SIK3: variants seen among roughly 807,000 people sequenced by gnomAD.
SIK3 encodes serine/threonine-protein kinase SIK3.
Under a neutral mutation model 144.2 loss-of-function variants are expected in SIK3, and 28 were observed. That is an observed-to-expected ratio of 0.19 (90% CI 0.14 to 0.27). The LOEUF (loss-of-function observed/expected upper bound fraction) is 0.27. Among genes scored for constraint, SIK3 ranks in the 10% least tolerant of loss-of-function variants. The pLI is 1.00. For missense variants in SIK3, 1,319 were observed against 1,776.0 expected, an observed-to-expected ratio of 0.74 and a Z score of 4.62; for synonymous variants, 686 against 676.3, an observed-to-expected ratio of 1.01 and a Z score of -0.22.
intron 4 of SIK3, among the ~76,000 whole-genome samples, chr11:116,916,075 G>C (rs530202068): frequency 6.6e-6 from 1 of 152,280 alleles, no homozygotes; most frequent in South Asian, 2.1e-4. Flanking sequence ...AAATAGAAAA[G>C]TCATTATCAC....
At chr11:117,004,595 A>C (rs1353740456) in intron 1 of SIK3, among the ~76,000 whole-genome samples, 1 of 152,222 alleles carries the variant, frequency 6.6e-6, no homozygotes, top group Non-Finnish European at 1.5e-5. Flanking sequence ...GCATTTTGCT[A>C]ATCAATTCTG....
At chr11:116,852,093 A>G (rs994053083) in intron 21 of SIK3, among the ~76,000 whole-genome samples, 2 of 152,250 alleles carry the variant, frequency 1.3e-5, no homozygotes, top group Non-Finnish European at 2.9e-5. Context: ...TTAAAACATC[A>G]TTACTAACCA....
In SIK3 at chr11:116,876,025, G is replaced by A. The variant is rs763529162; in HGVS notation, c.1096-16C>T. Reference sequence around the variant, plus strand: ...ATCTTAATGACTACCAAGAGAGAAGGGAAAAGAGTACAAAACCCTGGTGAA... The same window carrying A: ...ATCTTAATGACTACCAAGAGAGAAGAGAAAAGAGTACAAAACCCTGGTGAA... On this transcript the variant is annotated splice_polypyrimidine_tract_variant and intron_variant, in intron 8 of 24. Transcript: ENST00000445177. The A allele has an allele frequency of 1.1e-5, 18 of 1,612,910 alleles. No homozygotes were observed. Among genetic ancestry groups the A allele is most frequent in the African/African-American group, 2.7e-5 (2 of 74,806 alleles).
chr11:116,938,582 G>A (rs180924213), intron 3 of SIK3, among the ~76,000 whole-genome samples: 537 of 20,754 alleles, frequency 0.026, 20 homozygotes, highest in African/African-American at 0.13. Flanking sequence ...GGAGGGGAGG[G>A]GAGGAGAGGA....
At chr11:116,921,440 G>C (rs932604584) in intron 4 of SIK3, among the ~76,000 whole-genome samples, 1 of 152,078 alleles carries the variant, frequency 6.6e-6, no homozygotes, top group Non-Finnish European at 1.5e-5. Flanking sequence ...ATTATGCAAG[G>C]AGGCTTCGTT....
intron 1 of SIK3, among the ~76,000 whole-genome samples, chr11:117,052,320 T>C (rs1045024407): frequency 1.3e-5 from 2 of 152,122 alleles, no homozygotes; most frequent in Non-Finnish European, 2.9e-5. Flanking sequence ...ATTAATATCA[T>C]AGCAGTAGGC....
intron 1 of SIK3, among the ~76,000 whole-genome samples, chr11:117,091,491 C>T (rs556710943): frequency 9.2e-5 from 14 of 152,218 alleles, no homozygotes; most frequent in Admixed American, 6.5e-4. Context: ...CAGGCGTGAG[C>T]CACCATGCCA....
intron 1 of SIK3, among the ~76,000 whole-genome samples, chr11:117,000,350 C>T (rs1284376105): frequency 6.6e-6 from 1 of 152,180 alleles, no homozygotes; most frequent in African/African-American, 2.4e-5. Flanking sequence ...AATCTATCTG[C>T]AATTAGCTAC....
rs1275038264 is a variant in SIK3, at chr11:116,875,265, C to A, written c.1320G>T (p.Pro440=). The A allele has an allele frequency of 1.2e-6, 2 of 1,613,966 alleles. No individual in the cohort carries two copies. The highest frequency in any genetic ancestry group is 8.5e-7 in the Non-Finnish European group (1 of 1,179,914). ...CACTGTCCAAATTCAGTGTCCCATC[C>A]GGCTGAGGTGGAGGGAAACACCATC... ...LINPENQIVE[P]DGTLNLDSDE... Residue 440 remains proline (P), a splice_region_variant and synonymous_variant, in exon 11 of 25, where the codon CCG becomes CCT. Transcript: ENST00000445177.
intron 1 of SIK3, among the ~76,000 whole-genome samples, chr11:117,047,024 C>A (rs998802416): frequency 6.6e-6 from 1 of 152,244 alleles, no homozygotes; most frequent in East Asian, 1.9e-4. Flanking sequence ...TGCCATTTAT[C>A]GGTCTCCCTG....
intron 3 of SIK3, among the ~76,000 whole-genome samples, chr11:116,931,019 AAAAGTAAAAC>A (rs1280543872): frequency 3.9e-5 from 6 of 152,228 alleles, no homozygotes; most frequent in African/African-American, 1.2e-4. Context: ...TTCAAAAGTA[AAAAGTAAAAC>A]AAAGTAAAAA....
intron 1 of SIK3, among the ~76,000 whole-genome samples, chr11:116,983,337 G>A (rs1950215877): frequency 6.6e-6 from 1 of 151,378 alleles, no homozygotes; most frequent in Admixed American, 6.6e-5. Flanking sequence ...TTCGAGACAA[G>A]CCTGGACAAC....
intron 21 of SIK3, among the ~76,000 whole-genome samples, chr11:116,854,451 T>C (rs1942709708): frequency 6.6e-6 from 1 of 152,258 alleles, no homozygotes; most frequent in South Asian, 2.1e-4. Flanking sequence ...TTCTCAGTGA[T>C]ACTTCTTGCA....
intron 1 of SIK3, among the ~76,000 whole-genome samples, chr11:117,013,972 C>CTTTTTTTTTTTTTT (rs71037442): frequency 0.014 from 376 of 26,960 alleles, 79 homozygotes; most frequent in Non-Finnish European, 0.017. Flanking sequence ...TTTTTCTTTT[C>CTTTTTTTTTTTTTT]TTTTTTTTTT....
At position 117,013,922 on chromosome 11, in the gene SIK3, G is replaced by GTGTGTGTGTGTA. The variant is rs1591536448; in HGVS notation, c.274-56859_274-56858insTACACACACACA. On this transcript the variant is annotated intron_variant, in intron 1 of 24. Transcript: ENST00000445177. The stretch of plus-strand genomic sequence containing the variant: ...TGAGGGGGGGGGGGGGAGGGTGTGT[G>GTGTGTGTGTGTA]TGTGTGTGTGTGTGTGTGTGTGTGT... Among the ~76,000 whole-genome samples, 2 of 93,952 alleles carry GTGTGTGTGTGTA rather than the reference G, an allele frequency of 2.1e-5. 1 individual carries two copies. The highest frequency in any genetic ancestry group is 4.9e-5 in the Non-Finnish European group (2 of 40,932). The allele number at this position is 93,952 out of a possible 152,430, so 61.6% of individuals were successfully genotyped here. A position where few individuals can be genotyped will look rare whatever the true frequency, so the allele number is the denominator to read the frequency against.
chr11:117,028,205 T>A (rs188107215), intron 1 of SIK3, among the ~76,000 whole-genome samples: 78 of 152,312 alleles, frequency 5.1e-4, no homozygotes, highest in South Asian at 1.0e-3. Context: ...TCAAACTCAA[T>A]TCCTATGACT....
At chr11:116,902,897 C>G (rs1426995833) in intron 4 of SIK3, among the ~76,000 whole-genome samples, 1 of 152,150 alleles carries the variant, frequency 6.6e-6, no homozygotes, top group Non-Finnish European at 1.5e-5. Context: ...AGGATCTGAT[C>G]CACTCTCCCT....
intron 1 of SIK3, among the ~76,000 whole-genome samples, chr11:116,974,520 G>A (rs1383341131): frequency 1.3e-5 from 2 of 152,000 alleles, no homozygotes; most frequent in African/African-American, 2.4e-5. Flanking sequence ...CCTCCCCAGC[G>A]ACTGGGCCTA....
chr11:116,897,161 G>C (rs1333286462), intron 5 of SIK3, 32 bp downstream of exon 5: 1 of 1,608,988 alleles, frequency 6.2e-7, no homozygotes, highest in Non-Finnish European at 8.5e-7. Context: ...GGTAGCTAAT[G>C]CTGTGGGGTA....
Sources: allele counts gnomAD v4.1 joint callset (sites outside exome capture counted in the v4.1 genomes callset), GRCh38; gene constraint gnomAD v4.1.1; transcripts MANE v1.5; gene names NCBI Gene and HGNC (gene_info 2026-07-23, HGNC 2026-07-21).